The following CCNB1IP1 variants were observed in gnomAD, a reference collection of about 807,000 sequenced individuals.
CCNB1IP1 encodes E3 ubiquitin-protein ligase CCNB1IP1.
A neutral mutation model predicts 25.6 loss-of-function variants in CCNB1IP1; 14 were observed. The ratio of observed to expected loss-of-function variants is 0.55; its 90% CI spans 0.36 to 0.85. CCNB1IP1 has a LOEUF of 0.85. Among genes scored for constraint, CCNB1IP1 ranks in the 40% least tolerant of loss-of-function variants. The probability of loss-of-function intolerance (pLI) is 0.01; values close to 1 mark genes in which losing one functional copy is unlikely to be tolerated. For missense variants in CCNB1IP1, 278 were observed against 342.4 expected, an observed-to-expected ratio of 0.81 and a Z score of 1.48; for synonymous variants, 119 against 116.1, an observed-to-expected ratio of 1.02 and a Z score of -0.16.
chr14:20,330,604 T>G (rs1328507766), intron 1 of CCNB1IP1: 1 of 152,286 alleles, frequency 6.6e-6, no homozygotes, highest in Non-Finnish European at 1.5e-5. Flanking sequence ...TGTCCTTTTT[T>G]TTTTTCACTC....
intron 6 of CCNB1IP1, 24 bp from the exon 7 acceptor site, chr14:20,311,776 C>T: frequency 6.5e-7 from 1 of 1,528,186 alleles, no homozygotes; most frequent in Non-Finnish European, 9.1e-7. Flanking sequence ...AAAGGAAAAA[C>T]ATAATTTTAT....
At chr14:20,328,321 A>G (rs1566406038) in intron 2 of CCNB1IP1, among the ~76,000 whole-genome samples, 1 of 152,212 alleles carries the variant, frequency 6.6e-6, no homozygotes, top group African/African-American at 2.4e-5. Context: ...TTTAAAATGT[A>G]ATGCAGTGAC....
At position 20,311,640 on chromosome 14, in the gene CCNB1IP1, G is replaced by A; in HGVS notation, c.744C>T (p.Pro248=). ...FFAGSPTAPE[P]SNSFFSFVSP... is the part of the protein sequence containing the mutation. ...AGACAAAACTAAAAAAGCTGTTGCT[G>A]GGTTCAGGTGCTGTGGGAGAACCCG... The change falls in exon 7 of 7, where the codon CCC becomes CCT. Residue 248 remains proline (P), a synonymous_variant. Coordinates refer to ENST00000358932, the MANE Select transcript of CCNB1IP1 (RefSeq NM_021178.5). 2 of 1,614,112 alleles carry A rather than the reference G, an allele frequency of 1.2e-6. No homozygotes were observed. Among genetic ancestry groups the A allele is most frequent in the Non-Finnish European group, 1.7e-6 (2 of 1,180,014 alleles).
At chr14:20,332,858 C>G (rs1313025870) in intron 1 of CCNB1IP1, 1 of 152,220 alleles carries the variant, frequency 6.6e-6, no homozygotes, top group East Asian at 1.9e-4. Context: ...GAATTAAACT[C>G]TACTGAGCTG....
At chr14:20,332,278 G>A (rs748434342) in intron 1 of CCNB1IP1, among the ~76,000 whole-genome samples, 1 of 151,556 alleles carries the variant, frequency 6.6e-6, no homozygotes, top group Non-Finnish European at 1.5e-5. Flanking sequence ...TCGATTAACT[G>A]GTTTATTATT....
rs1453188058 is a variant in CCNB1IP1 at position 20,326,207 on chromosome 14, C to T, written c.-153+509G>A. On this transcript the variant is annotated intron_variant, in intron 3 of 6. Coordinates refer to ENST00000358932, the MANE Select transcript of CCNB1IP1 (RefSeq NM_021178.5). ...AGGCTAAATTGCCTATAGAATTATA[C>T]CAGTTGCCAGTGCTTTTTCTGTAGT... Among the ~76,000 whole-genome samples, 3 of 152,088 alleles carry T rather than the reference C, an allele frequency of 2.0e-5. No individual in the cohort carries two copies. The East Asian group carries it at 5.8e-4, about 29-fold the overall frequency.
intron 4 of CCNB1IP1, among the ~76,000 whole-genome samples, chr14:20,316,825 G>A (rs190137990): frequency 7.8e-4 from 119 of 152,256 alleles, no homozygotes; most frequent in Admixed American, 2.9e-3. Context: ...ATATATACGT[G>A]GGCCAGGCTC....
At position 20,325,603 on chromosome 14, in the gene CCNB1IP1, G is replaced by C. The variant is rs915154543; in HGVS notation, c.-102C>G. The C allele has an allele frequency of 1.3e-5, 2 of 152,102 alleles. No homozygotes were observed. The highest frequency in any genetic ancestry group is 2.9e-5 in the Non-Finnish European group (2 of 68,028). The allele number at this position is 152,102 out of a possible 1,614,324, so 9.4% of individuals were successfully genotyped here. A position where few individuals can be genotyped will look rare whatever the true frequency, so the allele number is the denominator to read the frequency against. On this transcript the variant is annotated 5_prime_UTR_variant, in exon 4 of 7. Coordinates refer to ENST00000358932, the MANE Select transcript of CCNB1IP1 (RefSeq NM_021178.5). ...GGATTTACAGCACCAAAGAGGTCCA[G>C]ACTGGAACAGCGAAACTCAGATCTG...
intron 5 of CCNB1IP1, among the ~76,000 whole-genome samples, chr14:20,314,842 A>G (rs977649981): frequency 3.3e-5 from 5 of 152,170 alleles, no homozygotes; most frequent in Non-Finnish European, 7.4e-5. Context: ...CTGTAATCCC[A>G]GCACTTTGGG....
chr14:20,326,848 C>T (rs982841616), intron 2 of CCNB1IP1, 55 bp from the exon 3 acceptor site: 4 of 229,796 alleles, frequency 1.7e-5, no homozygotes, highest in Non-Finnish European at 3.5e-5. Flanking sequence ...TACATGACAA[C>T]TCACACCAGC....
At chr14:20,315,359 G>T in intron 5 of CCNB1IP1, 1 of 404,962 alleles carries the variant, frequency 2.5e-6, no homozygotes, top group Non-Finnish European at 3.6e-6. Context: ...TAGCCACTTT[G>T]GAAGACAATT....
chr14:20,315,927 A>G, intron 5 of CCNB1IP1: 1 of 445,926 alleles, frequency 2.2e-6, no homozygotes, highest in Non-Finnish European at 4.1e-6. Flanking sequence ...AACTCTTAAC[A>G]ATAAAAGTGT....
At chr14:20,326,301 A>T (rs986691968) in intron 3 of CCNB1IP1, 5 of 319,122 alleles carry the variant, frequency 1.6e-5, no homozygotes, top group African/African-American at 1.1e-4. Context: ...TTGGGGATAT[A>T]GAGATATCAC....
chr14:20,315,666 TAAG>T (rs1419786593), intron 5 of CCNB1IP1: 4 of 1,259,430 alleles, frequency 3.2e-6, no homozygotes, highest in Non-Finnish European at 4.1e-6. Context: ...GCGTATTTGA[TAAG>T]AATGCTTATC....
At position 20,311,748 on chromosome 14, in the gene CCNB1IP1, G is replaced by T. The variant is rs1404166985; in HGVS notation, c.636C>A (p.Asn212Lys). The T allele has an allele frequency of 1.2e-5, 19 of 1,612,090 alleles. No individual in the cohort carries two copies. The highest frequency in any genetic ancestry group is 1.4e-5 in the Non-Finnish European group (17 of 1,178,630). ...TATTATCCAAAGGAAACTTGGAGTTGTTACCTAGGGCAGAAAAAAAGGAAA... is the reference window on the plus strand; with the variant it reads ...TATTATCCAAAGGAAACTTGGAGTTTTTACCTAGGGCAGAAAAAAAGGAAA... ...QSGVLGFPLG[N>K]NSKFPLDNTP... Residue 212 changes from asparagine to lysine, a missense_variant, in exon 7 of 7, where the codon AAC (asparagine) becomes AAA (lysine). Physicochemically the swap from Asn to Lys is moderately conservative, Grantham distance 94. Transcript: ENST00000358932.
chr14:20,320,569 C>CA (rs1882858716), intron 4 of CCNB1IP1, among the ~76,000 whole-genome samples: 1 of 152,032 alleles, frequency 6.6e-6, no homozygotes, highest in South Asian at 2.1e-4. Flanking sequence ...TTTGGGAGGC[C>CA]AAGGCAGGTG....
intron 1 of CCNB1IP1, among the ~76,000 whole-genome samples, chr14:20,332,026 A>ATTTTTTTTTTTTT (rs57345952): frequency 4.9e-5 from 2 of 40,742 alleles, no homozygotes; most frequent in East Asian, 8.6e-4. Context: ...ATATATATAT[A>ATTTTTTTTTTTTT]TTTTTTTTTT....
At chr14:20,315,665 A>G (rs987069224) in intron 5 of CCNB1IP1, 2 of 1,264,056 alleles carry the variant, frequency 1.6e-6, no homozygotes, top group South Asian at 1.3e-5. Context: ...TGCGTATTTG[A>G]TAAGAATGCT....
chr14:20,316,230 A>T lies in CCNB1IP1; in HGVS notation c.294T>A (p.Tyr98Ter), dbSNP rs146648962. 1 of 1,612,652 alleles carries T rather than the reference A, an allele frequency of 6.2e-7. No individual in the cohort carries two copies. Among genetic ancestry groups the T allele is most frequent in the African/African-American group, 1.3e-5 (1 of 75,038 alleles). ...ISSRALAFWT[Y>*]QVHQERLYQE... ...AGAAACTAGACTAAGCACTAACCTG[A>T]TATGTCCAGAAGGCCAGCGCTCGGG... Residue 98 changes from tyrosine to a stop codon, truncating the protein, a stop_gained, in exon 5 of 7, where the codon TAT becomes TAA. Coordinates refer to ENST00000358932, the MANE Select transcript of CCNB1IP1 (RefSeq NM_021178.5). LOFTEE classifies it high-confidence loss of function.
Sources: allele counts gnomAD v4.1 joint callset (sites outside exome capture counted in the v4.1 genomes callset), GRCh38; gene constraint gnomAD v4.1.1; transcripts MANE v1.5; gene names NCBI Gene and HGNC (gene_info 2026-07-23, HGNC 2026-07-21).